SLIT3: variants seen among roughly 807,000 people sequenced by gnomAD.
The protein encoded by SLIT3 is slit homolog 3 protein.
In SLIT3, 68 loss-of-function variants were observed where a neutral mutation model predicts 184.0. The observed-to-expected ratio is 0.37, with a 90% CI of 0.30 to 0.45. The LOEUF is 0.45. Ranked by LOEUF, SLIT3 falls within the 20% of genes least tolerant of loss-of-function variation. The pLI, the probability that SLIT3 is intolerant of heterozygous loss-of-function variation, is 1.00. For synonymous variants in SLIT3, 831 were observed against 828.6 expected, an observed-to-expected ratio of 1.00 and a Z score of -0.05; for missense variants, 1,707 against 2,026.0, an observed-to-expected ratio of 0.84 and a Z score of 3.02.
chr5:169,275,223 G>C (rs1395485923), intron 1 of SLIT3, among the ~76,000 whole-genome samples: 1 of 152,134 alleles, frequency 6.6e-6, no homozygotes, highest in East Asian at 1.9e-4. Context: ...ATGAACCCTG[G>C]GACAACAGGT....
At chr5:169,275,097 C>T (rs976605388) in intron 1 of SLIT3, among the ~76,000 whole-genome samples, 1 of 152,188 alleles carries the variant, frequency 6.6e-6, no homozygotes, top group Admixed American at 6.5e-5. Flanking sequence ...CACTCGAATG[C>T]CAGATCCATT....
At chr5:169,262,422 G>A (rs1766224580) in intron 1 of SLIT3, among the ~76,000 whole-genome samples, 1 of 152,090 alleles carries the variant, frequency 6.6e-6, no homozygotes, top group Non-Finnish European at 1.5e-5. Flanking sequence ...CCAGTTGAAG[G>A]ACAGGCTGAA....
At position 169,229,065 on chromosome 5, in the gene SLIT3, GCA is replaced by G. The variant is rs369091517; in HGVS notation, c.341+15638_341+15639del. ...CCTCCACATCTTGGAGAAGCCGTGCGCACACACACAGATTGAGAGAGAGACAG... is the reference window on the plus strand; with the variant it reads ...CCTCCACATCTTGGAGAAGCCGTGCGCACACACAGATTGAGAGAGAGACAG... On this transcript the variant is annotated intron_variant, in intron 3 of 35. Transcript: ENST00000519560. Among the ~76,000 whole-genome samples the G allele has an allele frequency of 3.2e-4, 49 of 152,072 alleles. No homozygotes were observed. In the East Asian group the frequency reaches 6.2e-3, roughly 19 times the overall value.
At chr5:168,748,571 AC>A in intron 19 of SLIT3, 137 bp from the exon 20 acceptor site, 1 of 810,482 alleles carries the variant, frequency 1.2e-6, no homozygotes, top group South Asian at 2.5e-5. Flanking sequence ...GGAAGAGGGT[AC>A]CCGCTGGTCT....
At chr5:169,282,998 A>AT (rs1031711199) in intron 1 of SLIT3, among the ~76,000 whole-genome samples, 15 of 152,232 alleles carry the variant, frequency 9.9e-5, no homozygotes, top group East Asian at 3.9e-4. Flanking sequence ...TGATTGCAAT[A>AT]TGCAGGCAAG....
chr5:169,157,621 G>A (rs180888979), intron 4 of SLIT3, among the ~76,000 whole-genome samples: 56 of 152,188 alleles, frequency 3.7e-4, no homozygotes, highest in Non-Finnish European at 6.2e-4. Flanking sequence ...ATCCAGAGTC[G>A]CACAACATAA....
intron 4 of SLIT3, among the ~76,000 whole-genome samples, chr5:168,894,774 T>A (rs1366720751): frequency 6.6e-6 from 1 of 152,220 alleles, no homozygotes; most frequent in African/African-American, 2.4e-5. Context: ...GCTGTGTGCC[T>A]GACAGCGTTT....
chr5:168,762,426 A>G, intron 15 of SLIT3, 113 bp downstream of exon 15: 1 of 1,132,348 alleles, frequency 8.8e-7, no homozygotes, highest in Non-Finnish European at 1.3e-6. Context: ...CAGCCAACAA[A>G]CACCACATGA....
At chr5:168,955,067 C>A (rs1488402393) in intron 4 of SLIT3, among the ~76,000 whole-genome samples, 5 of 145,410 alleles carry the variant, frequency 3.4e-5, no homozygotes, top group African/African-American at 1.3e-4. Flanking sequence ...CACCTAGAGG[C>A]ACTCCTGGCC....
At chr5:168,993,643 T>C (rs1424555804) in intron 4 of SLIT3, among the ~76,000 whole-genome samples, 1 of 151,314 alleles carries the variant, frequency 6.6e-6, no homozygotes, top group African/African-American at 2.4e-5. Flanking sequence ...AAAGAGTTTC[T>C]GTTTTCTCAT....
chr5:168,944,306 TGA>T (rs1278257437), intron 4 of SLIT3, among the ~76,000 whole-genome samples: 1 of 150,450 alleles, frequency 6.6e-6, no homozygotes, highest in Non-Finnish European at 1.5e-5. Context: ...AGGAGAGGAG[TGA>T]GAGAGAGACA....
At chr5:168,900,368 A>T (rs902959077) in intron 4 of SLIT3, among the ~76,000 whole-genome samples, 1 of 152,220 alleles carries the variant, frequency 6.6e-6, no homozygotes, top group African/African-American at 2.4e-5. Context: ...TAATCCCAGC[A>T]CTTTGGGAGG....
intron 21 of SLIT3, among the ~76,000 whole-genome samples, chr5:168,724,064 A>T (rs972885819): frequency 1.3e-5 from 2 of 152,218 alleles, no homozygotes; most frequent in Admixed American, 1.3e-4. Flanking sequence ...TATAATGTCT[A>T]TGACAGCCTC....
intron 13 of SLIT3, 72 bp from the exon 14 acceptor site, chr5:168,773,016 G>A (rs996653873): frequency 5.7e-5 from 83 of 1,459,294 alleles, no homozygotes; most frequent in East Asian, 3.3e-4. Flanking sequence ...ACCCTGCCTC[G>A]CGCTGGGCCC....
In SLIT3 at chr5:168,663,014, C is replaced by G. The variant is rs966854116; in HGVS notation, c.*3440G>C. The G allele has an allele frequency of 2.0e-5, 3 of 152,190 alleles. No homozygotes were observed. The highest frequency in any genetic ancestry group is 2.0e-4 in the Admixed American group (3 of 15,274). The allele number at this position is 152,190 out of a possible 1,614,324, so 9.4% of individuals were successfully genotyped here. The stretch of plus-strand genomic sequence containing the variant: ...GCTTCCAAACTTGAGGGAGAAGGCT[C>G]AAAATTATAAGGGACAGACCTGGCC... On this transcript the variant is annotated 3_prime_UTR_variant, in exon 36 of 36. Coordinates refer to ENST00000519560, the MANE Select transcript of SLIT3 (RefSeq NM_003062.4).
chr5:169,193,950 T>C (rs1763654403), intron 3 of SLIT3, among the ~76,000 whole-genome samples: 1 of 151,944 alleles, frequency 6.6e-6, no homozygotes, highest in Admixed American at 6.6e-5. Flanking sequence ...AAAACATAAA[T>C]GGGCCAGGCA....
chr5:169,210,397 C>G (rs572251960), intron 3 of SLIT3, among the ~76,000 whole-genome samples: 1 of 151,540 alleles, frequency 6.6e-6, no homozygotes, highest in African/African-American at 2.4e-5. Context: ...TAAAGAGAGG[C>G]CAAGGAAAAA....
At chr5:169,292,016 G>A (rs1767373443) in intron 1 of SLIT3, among the ~76,000 whole-genome samples, 1 of 152,208 alleles carries the variant, frequency 6.6e-6, no homozygotes, top group South Asian at 2.1e-4. Context: ...GCCAGCTATT[G>A]TTGTGGTGAT....
chr5:168,807,008 C>T (rs1052730561), intron 8 of SLIT3, among the ~76,000 whole-genome samples: 3 of 152,168 alleles, frequency 2.0e-5, no homozygotes, highest in South Asian at 2.1e-4. Context: ...CTGCAAGCCA[C>T]GGGGCTATCA....
Sources: allele counts gnomAD v4.1 joint callset (sites outside exome capture counted in the v4.1 genomes callset), GRCh38; gene constraint gnomAD v4.1.1; transcripts MANE v1.5; gene names NCBI Gene and HGNC (gene_info 2026-07-23, HGNC 2026-07-21).